The following ECE1 variants were observed in gnomAD, a reference collection of about 807,000 sequenced individuals.
ECE1 encodes endothelin converting enzyme 1.
Under a neutral mutation model 98.6 loss-of-function variants are expected in ECE1, and 35 were observed. The ratio of observed to expected loss-of-function variants is 0.35; its 90% CI spans 0.27 to 0.47. The LOEUF is 0.47. Ranked by LOEUF, ECE1 falls within the 20% of genes least tolerant of loss-of-function variation. The pLI is 1.00. For missense variants in ECE1, 814 were observed against 1,025.3 expected (o/e 0.79, Z 2.81); for synonymous variants, 394 against 407.1 (o/e 0.97, Z 0.39).
At chr1:21,344,568 A>T (rs1468938510) in intron 1 of ECE1, among the ~76,000 whole-genome samples, 1 of 151,612 alleles carries the variant, frequency 6.6e-6, no homozygotes, top group East Asian at 1.9e-4. Flanking sequence ...TGCCCCTCCC[A>T]ACAGCCCCCC....
intron 1 of ECE1, among the ~76,000 whole-genome samples, chr1:21,335,591 G>A (rs182318294): frequency 9.2e-5 from 14 of 152,302 alleles, no homozygotes; most frequent in East Asian, 3.9e-4. Context: ...GGGCTCTCAC[G>A]GCTGGGGGCC....
chr1:21,229,813 G>T (rs193280615), intron 14 of ECE1, among the ~76,000 whole-genome samples: 1 of 152,184 alleles, frequency 6.6e-6, no homozygotes, highest in East Asian at 1.9e-4. Flanking sequence ...ACAAAATCAC[G>T]CCTGGGTAAA....
intron 4 of ECE1, among the ~76,000 whole-genome samples, chr1:21,265,511 G>A (rs2098232814): frequency 6.6e-6 from 1 of 152,202 alleles, no homozygotes; most frequent in South Asian, 2.1e-4. Flanking sequence ...CAGCCTGGGC[G>A]ACAGATCGAG....
intron 4 of ECE1, among the ~76,000 whole-genome samples, chr1:21,271,806 G>A (rs2103320944): frequency 6.6e-6 from 1 of 152,268 alleles, no homozygotes; most frequent in East Asian, 1.9e-4. Flanking sequence ...AAGGCCTAGT[G>A]AAGTGCAAAG....
At chr1:21,251,978 G>A (rs1196613582) in intron 8 of ECE1, among the ~76,000 whole-genome samples, 1 of 152,194 alleles carries the variant, frequency 6.6e-6, no homozygotes, top group Non-Finnish European at 1.5e-5. Context: ...AGCTGTGCTT[G>A]TGAGATCCTC....
chr1:21,336,777 A>G (rs992846038), intron 1 of ECE1, among the ~76,000 whole-genome samples: 32 of 152,214 alleles, frequency 2.1e-4, no homozygotes, highest in Non-Finnish European at 3.7e-4. Context: ...CAAAAGGTGG[A>G]GCTTGCAGTG....
At chr1:21,238,268 T>C in intron 10 of ECE1, 24 bp from the exon 11 acceptor site, 5 of 1,574,618 alleles carry the variant, frequency 3.2e-6, no homozygotes, top group Non-Finnish European at 4.4e-6. Flanking sequence ...GTCAGGGGGC[T>C]CGCTGGGCCC....
rs1344272335 is a variant in ECE1 at position 21,233,689 on chromosome 1, C to G, written c.1567-28G>C. ...AGAAAAGAAGAAGTGGAGTCAATCA[C>G]AGTGTGCCCTCGGTGGTGTGCATCT... On this transcript the variant is annotated intron_variant, in intron 13 of 18. Coordinates refer to ENST00000374893, the MANE Select transcript of ECE1 (RefSeq NM_001397.3). This position sits in a 1 kb window ranked among gnomAD's most constrained non-coding sequence, Gnocchi z 4.0. The G allele has an allele frequency of 1.9e-6, 3 of 1,601,858 alleles. No homozygotes were observed. The highest frequency in any genetic ancestry group is 2.6e-6 in the Non-Finnish European group (3 of 1,169,474).
At chr1:21,282,258 C>A (rs557365060) in intron 2 of ECE1, among the ~76,000 whole-genome samples, 11 of 152,106 alleles carry the variant, frequency 7.2e-5, no homozygotes, top group African/African-American at 2.2e-4. Flanking sequence ...CCCCTGCACT[C>A]CAGCCTGGGC....
At chr1:21,300,542 C>G (rs1331650047) in intron 1 of ECE1, among the ~76,000 whole-genome samples, 1 of 152,116 alleles carries the variant, frequency 6.6e-6, no homozygotes, top group East Asian at 1.9e-4. Flanking sequence ...TCAAGCAATT[C>G]TCCTACCTCA....
At chr1:21,242,676 CTT>C (rs2098198034) in intron 10 of ECE1, among the ~76,000 whole-genome samples, 2 of 152,230 alleles carry the variant, frequency 1.3e-5, no homozygotes, top group Non-Finnish European at 2.9e-5. Context: ...CCTTGCCTCT[CTT>C]GAGGCCTCCC....
In ECE1 at chr1:21,260,318, T is replaced by C; in HGVS notation, c.568A>G (p.Arg190Gly). ...VYYRACMNET[R>G]IEELRAKPLM... The stretch of plus-strand genomic sequence containing the variant: ...GGTTTGGCCCTGAGCTCCTCGATCC[T>C]GGTCTCGTTCATGCACGCACGGTAG... Residue 190 changes from arginine to glycine, a missense_variant, in exon 5 of 19, where the codon AGG becomes GGG. Arg to Gly is a moderately radical substitution (Grantham distance 125, BLOSUM62 -2). Transcript: ENST00000374893. The surrounding 1 kb of genome is among the most constrained non-coding windows in gnomAD (Gnocchi z 4.3). The C allele has an allele frequency of 1.9e-6, 3 of 1,614,260 alleles. No homozygotes were observed. The highest frequency in any genetic ancestry group is 2.5e-6 in the Non-Finnish European group (3 of 1,180,048).
At chr1:21,226,832 T>C (rs1333356491) in intron 16 of ECE1, among the ~76,000 whole-genome samples, 1 of 152,146 alleles carries the variant, frequency 6.6e-6, no homozygotes, top group Non-Finnish European at 1.5e-5. Flanking sequence ...TTCAAACGAT[T>C]TTCCTGCCTC....
Position 21,290,385 on chromosome 1 carries a change from G to T in ECE1, c.30C>A (p.Ser10=). The T allele has an allele frequency of 2.4e-6, 3 of 1,234,496 alleles. No homozygotes were observed. The highest frequency in any genetic ancestry group is 3.0e-6 in the Non-Finnish European group (3 of 990,842). The allele number at this position is 1,234,496 out of a possible 1,614,324, so 76.5% of individuals were successfully genotyped here. A position where few individuals can be genotyped will look rare whatever the true frequency, so the allele number is the denominator to read the frequency against. Reference sequence around the variant, plus strand: ...TCACCCCCAGCGCCGACAGCAGGGCGGACACCGGGGGCGGCCACACGCCCC... The same window carrying T: ...TCACCCCCAGCGCCGACAGCAGGGCTGACACCGGGGGCGGCCACACGCCCC... The part of the protein sequence containing the change: MRGVWPPPV[S]ALLSALGMST... Residue 10 remains serine, a synonymous_variant, in exon 1 of 19, where the codon TCC becomes TCA. Transcript: ENST00000374893. This position sits in a 1 kb window ranked among gnomAD's most constrained non-coding sequence, Gnocchi z 7.3.
chr1:21,267,737 A>G (rs139175936), intron 4 of ECE1, among the ~76,000 whole-genome samples: 110 of 152,304 alleles, frequency 7.2e-4, no homozygotes, highest in African/African-American at 2.5e-3. Context: ...TAGACACCAT[A>G]CTGGATAGAA....
chr1:21,299,543 T>G (rs994667360), intron 1 of ECE1: 1 of 152,322 alleles, frequency 6.6e-6, no homozygotes, highest in African/African-American at 2.4e-5. Flanking sequence ...GTTCTAACAC[T>G]GCCTTACCCT....
chr1:21,297,513 C>T (rs1400505908), intron 1 of ECE1, among the ~76,000 whole-genome samples: 1 of 148,960 alleles, frequency 6.7e-6, no homozygotes, highest in Non-Finnish European at 1.5e-5. Flanking sequence ...CCTGGCAGAA[C>T]TTTCTTTTTT....
chr1:21,329,968 C>T (rs2103411158), intron 1 of ECE1, among the ~76,000 whole-genome samples: 1 of 152,108 alleles, frequency 6.6e-6, no homozygotes, highest in East Asian at 1.9e-4. Context: ...GGAAAGAACA[C>T]AGAGTCTGGA....
At chr1:21,310,718 G>A (rs1330941035) in intron 1 of ECE1, among the ~76,000 whole-genome samples, 1 of 152,098 alleles carries the variant, frequency 6.6e-6, no homozygotes, top group African/African-American at 2.4e-5. Context: ...GCCACTGGAC[G>A]ATGAAGTCTT....
Sources: allele counts gnomAD v4.1 joint callset (sites outside exome capture counted in the v4.1 genomes callset), GRCh38; gene constraint gnomAD v4.1.1; non-coding constraint Gnocchi (gnomAD v3.1); transcripts MANE v1.5; gene names NCBI Gene and HGNC (gene_info 2026-07-23, HGNC 2026-07-21).